The following MACROD2 variants were observed in gnomAD, a reference collection of about 807,000 sequenced individuals.
MACROD2 encodes the protein ADP-ribose glycohydrolase MACROD2.
A neutral mutation model predicts 70.4 loss-of-function variants in MACROD2; 36 were observed. The observed-to-expected ratio is 0.51, with a 90% CI of 0.39 to 0.68. The LOEUF (loss-of-function observed/expected upper bound fraction) is 0.68. Ranked by LOEUF, MACROD2 falls within the 30% of genes least tolerant of loss-of-function variation. The pLI is 0.00. For missense variants in MACROD2, 496 were observed against 538.4 expected (o/e 0.92, Z 0.78); for synonymous variants, 172 against 178.8 (o/e 0.96, Z 0.30).
intron 8 of MACROD2, among the ~76,000 whole-genome samples, chr20:15,574,453 A>G (rs2048417530): frequency 6.6e-6 from 1 of 152,132 alleles, no homozygotes. Context: ...GAATTTGAAG[A>G]TTAAATTTCT....
chr20:15,906,524 T>C (rs370368128), intron 10 of MACROD2, among the ~76,000 whole-genome samples: 25 of 152,184 alleles, frequency 1.6e-4, no homozygotes, highest in African/African-American at 5.8e-4. Flanking sequence ...AACATGAATA[T>C]GGATATATCA....
chr20:14,883,955 T>A (rs2073640717), intron 5 of MACROD2, among the ~76,000 whole-genome samples: 1 of 152,226 alleles, frequency 6.6e-6, no homozygotes, highest in South Asian at 2.1e-4. Context: ...CCTCCAGTGG[T>A]TCAAACAAAA....
At chr20:15,143,129 C>T (rs1048061499) in intron 5 of MACROD2, among the ~76,000 whole-genome samples, 7 of 152,158 alleles carry the variant, frequency 4.6e-5, no homozygotes, top group African/African-American at 1.7e-4. Flanking sequence ...GTCCCACCAA[C>T]AGTGTAAAAG....
intron 3 of MACROD2, among the ~76,000 whole-genome samples, chr20:14,320,970 G>T (rs2082654858): frequency 6.6e-6 from 1 of 152,000 alleles, no homozygotes. Context: ...AGATGTAGTT[G>T]TTTCTTCCTT....
At chr20:14,338,384 A>G (rs1193573741) in intron 3 of MACROD2, among the ~76,000 whole-genome samples, 1 of 152,188 alleles carries the variant, frequency 6.6e-6, no homozygotes. Flanking sequence ...ATGTATATAT[A>G]TACACGTGTC....
At chr20:14,245,904 C>T (rs1478776810) in intron 3 of MACROD2, among the ~76,000 whole-genome samples, 1 of 152,122 alleles carries the variant, frequency 6.6e-6, no homozygotes, top group Non-Finnish European at 1.5e-5. Flanking sequence ...CCCTTAATTC[C>T]AAGGGCTATT....
At chr20:14,329,418 A>T (rs571637031) in intron 3 of MACROD2, 22 of 152,238 alleles carry the variant, frequency 1.4e-4, no homozygotes, top group Admixed American at 8.5e-4. Flanking sequence ...ATGTCTTAAA[A>T]TAACACATCT....
At chr20:14,770,218 A>G in intron 5 of MACROD2, among the ~76,000 whole-genome samples, 1 of 151,532 alleles carries the variant, frequency 6.6e-6, no homozygotes, top group Non-Finnish European at 1.5e-5. Context: ...TTGCCTATTT[A>G]TTTACTATTT....
intron 5 of MACROD2, among the ~76,000 whole-genome samples, chr20:15,037,683 CT>C (rs998153439): frequency 6.3e-4 from 90 of 142,030 alleles, no homozygotes; most frequent in South Asian, 1.6e-3. Context: ...AACTTTAACT[CT>C]TTTTTTTTTT....
chr20:14,702,000 C>T (rs1290360475), intron 5 of MACROD2, among the ~76,000 whole-genome samples: 4 of 152,144 alleles, frequency 2.6e-5, no homozygotes, highest in African/African-American at 9.7e-5. Context: ...CAGGCAGTCT[C>T]TCTCTATAGC....
At chr20:14,104,904 G>T (rs2054348449) in intron 3 of MACROD2, among the ~76,000 whole-genome samples, 1 of 152,170 alleles carries the variant, frequency 6.6e-6, no homozygotes, top group African/African-American at 2.4e-5. Flanking sequence ...AATACCCTCT[G>T]CTGTAGTTCA....
chr20:14,722,526 C>T (rs1168973637), intron 5 of MACROD2, among the ~76,000 whole-genome samples: 2 of 152,202 alleles, frequency 1.3e-5, no homozygotes, highest in Non-Finnish European at 2.9e-5. Context: ...AGTCTTGCAG[C>T]TGTTATTCTA....
chr20:14,724,617 T>C (rs1239278807), intron 5 of MACROD2, among the ~76,000 whole-genome samples: 5 of 152,110 alleles, frequency 3.3e-5, no homozygotes, highest in Admixed American at 2.0e-4. Flanking sequence ...AAGAAGGAAA[T>C]GAGAGAAGAG....
chr20:15,718,623 C>T (rs896446546), intron 8 of MACROD2, among the ~76,000 whole-genome samples: 2 of 151,948 alleles, frequency 1.3e-5, no homozygotes, highest in Non-Finnish European at 2.9e-5. Flanking sequence ...TCCTTAAAAC[C>T]GACTCTCAGT....
At chr20:15,925,800 T>C (rs1306944553) in intron 10 of MACROD2, among the ~76,000 whole-genome samples, 1 of 152,194 alleles carries the variant, frequency 6.6e-6, no homozygotes, top group African/African-American at 2.4e-5. Context: ...AGGTTCCATT[T>C]TTCCTCTTCC....
intron 3 of MACROD2, among the ~76,000 whole-genome samples, chr20:14,249,742 T>G (rs890554985): frequency 2.6e-5 from 4 of 151,902 alleles, no homozygotes; most frequent in African/African-American, 9.7e-5. Context: ...AACTTCAGAG[T>G]GATTTTGAGC....
intron 4 of MACROD2, among the ~76,000 whole-genome samples, chr20:14,562,272 C>T (rs1250719648): frequency 1.3e-5 from 2 of 151,720 alleles, no homozygotes; most frequent in African/African-American, 4.8e-5. Flanking sequence ...TATTTTTTTG[C>T]AGTGATAAAA....
intron 4 of MACROD2, among the ~76,000 whole-genome samples, chr20:14,556,085 G>T (rs1229695104): frequency 6.6e-6 from 1 of 152,006 alleles, no homozygotes; most frequent in Non-Finnish European, 1.5e-5. Context: ...AACAACAAAA[G>T]GAATAATCTG....
chr20:14,689,341 C>A (rs932450681), intron 5 of MACROD2, among the ~76,000 whole-genome samples: 10 of 152,070 alleles, frequency 6.6e-5, no homozygotes, highest in Admixed American at 5.2e-4. Flanking sequence ...TTCTATCTAC[C>A]AGAATATGGG....
Sources: allele counts gnomAD v4.1 joint callset (sites outside exome capture counted in the v4.1 genomes callset), GRCh38; gene constraint gnomAD v4.1.1; transcripts MANE v1.5; gene names NCBI Gene and HGNC (gene_info 2026-07-23, HGNC 2026-07-21).